KCTD8: variants seen among roughly 807,000 people sequenced by gnomAD.
KCTD8 encodes the protein BTB/POZ domain-containing protein KCTD8.
A neutral mutation model predicts 31.5 loss-of-function variants in KCTD8; 27 were observed. The ratio of observed to expected loss-of-function variants is 0.86; its 90% confidence interval spans 0.63 to 1.18. KCTD8 has a LOEUF of 1.18. Ranked by LOEUF, KCTD8 falls within the 50% of genes most tolerant of loss-of-function variation. The pLI is 0.00. For synonymous variants in KCTD8, 290 were observed against 280.0 expected (o/e 1.04, Z -0.36); for missense variants, 658 against 647.7 (o/e 1.02, Z -0.17).
intron 1 of KCTD8, among the ~76,000 whole-genome samples, chr4:44,363,698 TAC>T (rs1719558910): frequency 6.6e-6 from 1 of 152,110 alleles, no homozygotes; most frequent in African/African-American, 2.4e-5. Flanking sequence ...ACTCCTGGTA[TAC>T]ACACAGTAGT....
At chr4:44,434,269 A>G (rs1278570435) in intron 1 of KCTD8, among the ~76,000 whole-genome samples, 2 of 151,894 alleles carry the variant, frequency 1.3e-5, no homozygotes, top group African/African-American at 2.4e-5. Context: ...ATAACTGTCT[A>G]TAAATAACAA....
At chr4:44,386,524 A>T (rs1180851047) in intron 1 of KCTD8, among the ~76,000 whole-genome samples, 1 of 151,650 alleles carries the variant, frequency 6.6e-6, no homozygotes, top group Non-Finnish European at 1.5e-5. Flanking sequence ...TCATCAGAGA[A>T]ATTCAAATTA....
At chr4:44,355,696 A>C (rs963894421) in intron 1 of KCTD8, among the ~76,000 whole-genome samples, 3 of 152,146 alleles carry the variant, frequency 2.0e-5, no homozygotes, top group African/African-American at 7.2e-5. Context: ...AAACAGAATA[A>C]ATTACCATTC....
chr4:44,356,857 C>T (rs977866457), intron 1 of KCTD8, among the ~76,000 whole-genome samples: 5 of 152,122 alleles, frequency 3.3e-5, no homozygotes, highest in East Asian at 3.8e-4. Flanking sequence ...CTGCTGTCCA[C>T]GGAACTTGGA....
At chr4:44,260,579 G>GA (rs1405463157) in intron 1 of KCTD8, among the ~76,000 whole-genome samples, 1 of 151,872 alleles carries the variant, frequency 6.6e-6, no homozygotes, top group Non-Finnish European at 1.5e-5. Context: ...AGGCATGAAC[G>GA]AAATGAGAGT....
intron 1 of KCTD8, among the ~76,000 whole-genome samples, chr4:44,303,396 A>C (rs1017444009): frequency 2.0e-5 from 3 of 151,930 alleles, no homozygotes; most frequent in Non-Finnish European, 2.9e-5. Context: ...ACAATTTCAG[A>C]TCCTGTTATT....
Position 44,393,746 on chromosome 4 carries a change from G to A in KCTD8, c.961+53817C>T, listed in dbSNP as rs556735868. On this transcript the variant is annotated intron_variant, in intron 1 of 1. Transcript: ENST00000360029. ...TAAATGGTGAGGACTACGCTGCCAT[G>A]AACTAGTTATCCTCACCTCCTCATT... 3.9e-5 allele frequency among the ~76,000 whole-genome samples: 6 copies of A among 151,908 alleles called. No individual in the cohort carries two copies. In the South Asian group the frequency reaches 1.2e-3, roughly 32 times the overall value.
intron 1 of KCTD8, among the ~76,000 whole-genome samples, chr4:44,232,931 G>C (rs1044469623): frequency 6.6e-6 from 1 of 152,000 alleles, no homozygotes; most frequent in Non-Finnish European, 1.5e-5. Context: ...AGGAGCTAAA[G>C]TTGGAGTGGG....
chr4:44,337,715 T>C (rs908729506), intron 1 of KCTD8, among the ~76,000 whole-genome samples: 2 of 150,782 alleles, frequency 1.3e-5, no homozygotes, highest in Middle Eastern at 3.2e-3. Context: ...ATATATTTAG[T>C]CATTAATTGA....
intron 1 of KCTD8, among the ~76,000 whole-genome samples, chr4:44,242,915 G>C (rs960786203): frequency 6.6e-6 from 1 of 152,052 alleles, no homozygotes; most frequent in Non-Finnish European, 1.5e-5. Context: ...GACTGTCCCA[G>C]AAGCCAAGCA....
intron 1 of KCTD8, among the ~76,000 whole-genome samples, chr4:44,271,625 C>T (rs1232527294): frequency 6.6e-6 from 1 of 152,112 alleles, no homozygotes; most frequent in Non-Finnish European, 1.5e-5. Context: ...CCTGGCCCAC[C>T]CAGGGCAGAA....
chr4:44,214,815 C>G (rs940548313), intron 1 of KCTD8, among the ~76,000 whole-genome samples: 6 of 152,162 alleles, frequency 3.9e-5, no homozygotes, highest in Non-Finnish European at 8.8e-5. Context: ...TCAGAACTAA[C>G]CAATTAGCCA....
chr4:44,405,817 C>CAAA (rs903559298), intron 1 of KCTD8, among the ~76,000 whole-genome samples: 28 of 32,210 alleles, frequency 8.7e-4, no homozygotes, highest in African/African-American at 2.7e-3. Flanking sequence ...TCCTGTTTCT[C>CAAA]AAAAAAAAAA....
chr4:44,332,876 C>G (rs1291954404), intron 1 of KCTD8, among the ~76,000 whole-genome samples: 1 of 148,164 alleles, frequency 6.7e-6, no homozygotes, highest in Non-Finnish European at 1.5e-5. Context: ...AACTCTGACT[C>G]TGTTGATGTC....
intron 1 of KCTD8, among the ~76,000 whole-genome samples, chr4:44,211,995 A>T (rs1714496552): frequency 6.6e-6 from 1 of 152,162 alleles, no homozygotes; most frequent in Admixed American, 6.5e-5. Flanking sequence ...TTAAAAATTT[A>T]TCATTCCATT....
chr4:44,253,399 T>C (rs544306867), intron 1 of KCTD8, among the ~76,000 whole-genome samples: 1 of 151,816 alleles, frequency 6.6e-6, no homozygotes, highest in Non-Finnish European at 1.5e-5. Flanking sequence ...TCTGGTGGAT[T>C]AAAAATGGCC....
At position 44,442,480 on chromosome 4, in the gene KCTD8, G is replaced by T. The variant is rs375872032; in HGVS notation, c.961+5083C>A. 1.8e-4 allele frequency among the ~76,000 whole-genome samples: 28 copies of T among 152,076 alleles called. No homozygotes were observed. In the East Asian group the frequency reaches 4.5e-3, roughly 24 times the overall value. Reference sequence around the variant, plus strand: ...CAGGTGCCTGTAATCCCAGCTACTCGGGAGGCCGAGGCAGGAGAATGACTT... The same window carrying T: ...CAGGTGCCTGTAATCCCAGCTACTCTGGAGGCCGAGGCAGGAGAATGACTT... On this transcript the variant is annotated intron_variant, in intron 1 of 1. Coordinates refer to ENST00000360029, the MANE Select transcript of KCTD8 (RefSeq NM_198353.3).
chr4:44,174,525 C>T lies in KCTD8; in HGVS notation c.*265G>A, dbSNP rs928980729. ...CCAAGATACTAAGCTTGATCATGCA[C>T]ATTTTACTTTCATTCTTGTAAAATG... On this transcript the variant is annotated 3_prime_UTR_variant, in exon 2 of 2. Transcript: ENST00000360029. 14 of 331,808 alleles carry T rather than the reference C, an allele frequency of 4.2e-5. No homozygotes were observed. The highest frequency in any genetic ancestry group is 2.8e-4 in the African/African-American group (13 of 46,888). The allele number at this position is 331,808 out of a possible 1,614,324, so 20.6% of individuals were successfully genotyped here.
At chr4:44,288,377 A>T (rs1254481180) in intron 1 of KCTD8, among the ~76,000 whole-genome samples, 1 of 152,170 alleles carries the variant, frequency 6.6e-6, no homozygotes, top group Admixed American at 6.6e-5. Flanking sequence ...CATAAAACTG[A>T]CAATGAAATC....
Sources: gnomAD v4.1 joint callset for allele counts (sites outside exome capture counted in the v4.1 genomes callset) on GRCh38, gnomAD v4.1.1 for gene constraint, MANE v1.5 for transcripts, NCBI Gene and HGNC (gene_info 2026-07-23, HGNC 2026-07-21) for gene names.